SGTB: variants seen among roughly 807,000 people sequenced by gnomAD.
SGTB encodes small glutamine rich tetratricopeptide repeat co-chaperone beta, also known as small glutamine-rich tetratricopeptide repeat-containing protein beta.
A neutral mutation model predicts 43.9 loss-of-function variants in SGTB; 19 were observed. The observed-to-expected ratio is 0.43, with a 90% CI of 0.30 to 0.63. The LOEUF (loss-of-function observed/expected upper bound fraction) is 0.63, where lower values mean the gene tolerates loss of function less well. Among genes scored for constraint, SGTB ranks in the 30% least tolerant of loss-of-function variants. The pLI is 0.12. For synonymous variants in SGTB, 116 were observed against 117.3 expected (o/e 0.99, Z 0.07); for missense variants, 304 against 358.9 (o/e 0.85, Z 1.24).
intron 6 of SGTB, among the ~76,000 whole-genome samples, chr5:65,682,296 T>C (rs542443448): frequency 6.6e-6 from 1 of 152,256 alleles, no homozygotes; most frequent in African/African-American, 2.4e-5. Flanking sequence ...CAGAGAACAG[T>C]TGGGTGCCAG....
At chr5:65,709,498 C>G (rs1378237754) in intron 3 of SGTB, among the ~76,000 whole-genome samples, 1 of 151,722 alleles carries the variant, frequency 6.6e-6, no homozygotes, top group Non-Finnish European at 1.5e-5. Flanking sequence ...CATGCCTCAG[C>G]CTCCCGAGTA....
chr5:65,719,586 G>C (rs890996378), intron 2 of SGTB, among the ~76,000 whole-genome samples: 2 of 152,064 alleles, frequency 1.3e-5, no homozygotes, highest in South Asian at 2.1e-4. Flanking sequence ...GAGCCAGACA[G>C]ACCCTGTCTC....
At chr5:65,678,591 A>G (rs1228430621) in intron 8 of SGTB, among the ~76,000 whole-genome samples, 1 of 152,236 alleles carries the variant, frequency 6.6e-6, no homozygotes, top group Non-Finnish European at 1.5e-5. Context: ...CCCAATTTCA[A>G]ACTGTACTAC....
chr5:65,702,669 C>A (rs769770913), intron 5 of SGTB, among the ~76,000 whole-genome samples: 1 of 152,188 alleles, frequency 6.6e-6, no homozygotes, highest in Admixed American at 6.5e-5. Context: ...GCCTCATAAC[C>A]TAATCACCTT....
chr5:65,704,045 A>ATAAAT (rs1554025694), intron 5 of SGTB, among the ~76,000 whole-genome samples: 8,684 of 125,126 alleles, frequency 0.069, 272 homozygotes, highest in East Asian at 0.099. Flanking sequence ...CAAAAAAAAA[A>ATAAAT]AAAAAAATAA....
At chr5:65,701,672 G>A (rs1048905779) in intron 5 of SGTB, among the ~76,000 whole-genome samples, 14 of 134,984 alleles carry the variant, frequency 1.0e-4, no homozygotes, top group South Asian at 2.3e-4. Flanking sequence ...TCACTCTGTC[G>A]CCCAGGCTGG....
At chr5:65,699,458 T>C (rs1757772074) in intron 5 of SGTB, among the ~76,000 whole-genome samples, 1 of 152,156 alleles carries the variant, frequency 6.6e-6, no homozygotes, top group Admixed American at 6.5e-5. Context: ...GGGTGATAGT[T>C]TCACTAAAAT....
intron 8 of SGTB, among the ~76,000 whole-genome samples, chr5:65,676,811 C>G (rs1316650290): frequency 6.6e-6 from 1 of 151,920 alleles, no homozygotes; most frequent in Non-Finnish European, 1.5e-5. Context: ...TCAGACACAG[C>G]TAAAATTTCA....
At chr5:65,693,412 AAG>A (rs374527300) in intron 5 of SGTB, among the ~76,000 whole-genome samples, 9 of 144,780 alleles carry the variant, frequency 6.2e-5, no homozygotes, top group Admixed American at 2.7e-4. Context: ...GGAAGGAAGG[AAG>A]GAGAGAGAGA....
At chr5:65,720,883 G>T in intron 1 of SGTB, 54 bp from the exon 2 acceptor site, 1 of 1,550,860 alleles carries the variant, frequency 6.4e-7, no homozygotes, top group Non-Finnish European at 8.7e-7. Flanking sequence ...AATCAGTCAG[G>T]AAAGTCATAA....
upstream of SGTB, chr5:65,722,215 G>T (rs1331850591): frequency 1.3e-5 from 5 of 381,232 alleles, no homozygotes; most frequent in South Asian, 2.1e-4. Flanking sequence ...AGGCGCCGGC[G>T]TGGAGCTGCC....
intron 1 of SGTB, among the ~76,000 whole-genome samples, chr5:65,721,615 A>G (rs1222405852): frequency 6.6e-6 from 1 of 152,220 alleles, no homozygotes; most frequent in Non-Finnish European, 1.5e-5. Context: ...ACCCGCCGCT[A>G]TAATGTTTAT....
intron 8 of SGTB, among the ~76,000 whole-genome samples, chr5:65,675,628 T>C (rs888215848): frequency 6.6e-6 from 1 of 152,154 alleles, no homozygotes; most frequent in South Asian, 2.1e-4. Flanking sequence ...GGGAAGCCCA[T>C]CAGACTAACA....
intron 5 of SGTB, among the ~76,000 whole-genome samples, chr5:65,696,313 A>C (rs1347100872): frequency 6.6e-6 from 1 of 151,922 alleles, no homozygotes; most frequent in South Asian, 2.1e-4. Flanking sequence ...CTATCCATCC[A>C]CCCCTGAAGC....
At chr5:65,680,268 C>T (rs941123853) in intron 8 of SGTB, among the ~76,000 whole-genome samples, 2 of 152,188 alleles carry the variant, frequency 1.3e-5, no homozygotes, top group African/African-American at 4.8e-5. Context: ...CAGCAAACTA[C>T]CATGGCAGAC....
chr5:65,717,978 TAAG>T (rs1758183352), intron 2 of SGTB, among the ~76,000 whole-genome samples: 2 of 151,798 alleles, frequency 1.3e-5, no homozygotes, highest in African/African-American at 4.8e-5. Context: ...TTAAGATGAG[TAAG>T]AAGAGGTGTG....
intron 2 of SGTB, among the ~76,000 whole-genome samples, chr5:65,714,596 C>T (rs1304182624): frequency 3.3e-5 from 5 of 152,152 alleles, no homozygotes; most frequent in African/African-American, 1.2e-4. Flanking sequence ...AGGCAGATCA[C>T]CTGAGGTCAG....
At chr5:65,691,238 A>AT (rs1757601424) in intron 5 of SGTB, among the ~76,000 whole-genome samples, 1 of 152,170 alleles carries the variant, frequency 6.6e-6, no homozygotes, top group African/African-American at 2.4e-5. Flanking sequence ...CCTAGAAGCA[A>AT]TAAGACCTTA....
chr5:65,674,653 C>A (rs961118809), intron 8 of SGTB, among the ~76,000 whole-genome samples: 1 of 152,280 alleles, frequency 6.6e-6, no homozygotes, highest in Admixed American at 6.5e-5. Flanking sequence ...TTATGAGTCA[C>A]AAAACATGTT....
Sources: allele counts gnomAD v4.1 joint callset (sites outside exome capture counted in the v4.1 genomes callset), GRCh38; gene constraint gnomAD v4.1.1; transcripts MANE v1.5; gene names NCBI Gene and HGNC (gene_info 2026-07-23, HGNC 2026-07-21).